PXT1: variants seen among roughly 807,000 people sequenced by gnomAD.
PXT1 encodes the protein peroxisomal testis enriched protein 1, also known as peroxisomal testis-specific protein 1.
A neutral mutation model predicts 11.0 loss-of-function variants in PXT1; 11 were observed. The observed-to-expected ratio is 1.00, with a 90% CI of 0.63 to 1.66. PXT1 has a LOEUF of 1.66. Ranked by LOEUF, PXT1 falls within the 40% of genes most tolerant of loss-of-function variation. The pLI is 0.00. For synonymous variants in PXT1, 43 were observed against 51.4 expected, an observed-to-expected ratio of 0.84 and a Z score of 0.70; for missense variants, 141 against 155.5, an observed-to-expected ratio of 0.91 and a Z score of 0.49.
intron 2 of PXT1, among the ~76,000 whole-genome samples, chr6:36,432,283 AG>A (rs1163211469): frequency 6.6e-6 from 1 of 152,156 alleles, no homozygotes; most frequent in East Asian, 1.9e-4. Flanking sequence ...CAAATGCAAA[AG>A]CCCAAAGGTA....
intron 3 of PXT1, among the ~76,000 whole-genome samples, chr6:36,403,449 T>C (rs1219122383): frequency 6.6e-6 from 1 of 152,186 alleles, no homozygotes; most frequent in African/African-American, 2.4e-5. Flanking sequence ...ACTCCCACTT[T>C]TCAGGCTTGG....
At chr6:36,395,578 C>G (rs1056675502) in intron 4 of PXT1, among the ~76,000 whole-genome samples, 1 of 143,950 alleles carries the variant, frequency 6.9e-6, no homozygotes, top group Non-Finnish European at 1.5e-5. Flanking sequence ...TCACAGCTCA[C>G]TGCAGCCTTG....
chr6:36,423,237 T>C (rs1582265673), intron 3 of PXT1, among the ~76,000 whole-genome samples: 1 of 152,248 alleles, frequency 6.6e-6, no homozygotes, highest in African/African-American at 2.4e-5. Context: ...CTCAATCTCC[T>C]GCTTCCTCAG....
At chr6:36,426,650 G>A (rs1376504169) in intron 2 of PXT1, among the ~76,000 whole-genome samples, 5 of 152,106 alleles carry the variant, frequency 3.3e-5, no homozygotes, top group Admixed American at 2.0e-4. Flanking sequence ...GATTACAGGC[G>A]TGAGCCACAG....
intron 3 of PXT1, among the ~76,000 whole-genome samples, chr6:36,400,835 T>C (rs1435331427): frequency 6.6e-6 from 1 of 152,078 alleles, no homozygotes; most frequent in African/African-American, 2.4e-5. Context: ...CTGGATGTGG[T>C]GACGGGTGCC....
At chr6:36,423,139 G>C in intron 3 of PXT1, among the ~76,000 whole-genome samples, 1 of 152,192 alleles carries the variant, frequency 6.6e-6, no homozygotes, top group East Asian at 1.9e-4. Flanking sequence ...TGGCTTCAGC[G>C]AGTCACATTC....
chr6:36,410,508 G>A (rs1200231367), intron 3 of PXT1, among the ~76,000 whole-genome samples: 1 of 150,308 alleles, frequency 6.7e-6, no homozygotes, highest in Non-Finnish European at 1.5e-5. Flanking sequence ...GAGGAAGGAA[G>A]AAAGAGAGAG....
At chr6:36,433,363 A>G (rs1391163466) in intron 2 of PXT1, among the ~76,000 whole-genome samples, 2 of 152,168 alleles carry the variant, frequency 1.3e-5, no homozygotes, top group East Asian at 3.8e-4. Flanking sequence ...TGTGAAAGAT[A>G]AAGACAAAAA....
intron 4 of PXT1, among the ~76,000 whole-genome samples, chr6:36,395,552 G>C (rs1774132006): frequency 1.5e-5 from 2 of 130,588 alleles, no homozygotes; most frequent in African/African-American, 3.0e-5. Flanking sequence ...ACCCAGGCTG[G>C]AGTGCAGTGG....
At chr6:36,395,416 AC>A (rs1357216733) in intron 4 of PXT1, among the ~76,000 whole-genome samples, 2 of 151,512 alleles carry the variant, frequency 1.3e-5, no homozygotes, top group African/African-American at 4.8e-5. Context: ...ACCATGCCAG[AC>A]TTGAAATTCT....
At chr6:36,395,833 CTACAAAAAAA>C (rs1358115268) in intron 4 of PXT1, among the ~76,000 whole-genome samples, 2 of 151,816 alleles carry the variant, frequency 1.3e-5, no homozygotes, top group Non-Finnish European at 2.9e-5. Flanking sequence ...AATCCTGTCT[CTACAAAAAAA>C]TACAAAAAAA....
chr6:36,398,833 T>A (rs1774176886), intron 4 of PXT1, among the ~76,000 whole-genome samples: 1 of 152,162 alleles, frequency 6.6e-6, no homozygotes, highest in Non-Finnish European at 1.5e-5. Context: ...TGACAGCCCA[T>A]TGGAAGTCAC....
intron 4 of PXT1, among the ~76,000 whole-genome samples, chr6:36,400,099 GT>G (rs1774193216): frequency 6.6e-6 from 1 of 152,198 alleles, no homozygotes; most frequent in African/African-American, 2.4e-5. Flanking sequence ...GTGTGAAACA[GT>G]TTGTTACACT....
intron 2 of PXT1, among the ~76,000 whole-genome samples, chr6:36,433,985 T>G (rs2127418533): frequency 6.6e-6 from 1 of 152,060 alleles, no homozygotes; most frequent in East Asian, 1.9e-4. Flanking sequence ...TAACAACTGT[T>G]TAATCTATTA....
intron 3 of PXT1, among the ~76,000 whole-genome samples, chr6:36,425,609 A>AC (rs922366545): frequency 6.6e-6 from 1 of 151,382 alleles, no homozygotes; most frequent in African/African-American, 2.4e-5. Context: ...ACATGGTGAA[A>AC]CCCCCTCTCT....
intron 2 of PXT1, among the ~76,000 whole-genome samples, chr6:36,432,808 G>C (rs1358840624): frequency 6.6e-6 from 1 of 152,060 alleles, no homozygotes; most frequent in African/African-American, 2.4e-5. Context: ...AGGAGTTACA[G>C]ATAGGGGGAC....
At chr6:36,418,561 T>C (rs1316816056) in intron 3 of PXT1, among the ~76,000 whole-genome samples, 3 of 152,200 alleles carry the variant, frequency 2.0e-5, no homozygotes, top group Non-Finnish European at 4.4e-5. Context: ...TAAAAAAAAT[T>C]AATGCAACAA....
intron 3 of PXT1, among the ~76,000 whole-genome samples, chr6:36,416,325 G>A (rs775447564): frequency 1.3e-5 from 2 of 151,954 alleles, no homozygotes; most frequent in Non-Finnish European, 2.9e-5. Context: ...CTCCTGCCTG[G>A]GCAACAGACA....
intron 3 of PXT1, among the ~76,000 whole-genome samples, chr6:36,425,104 C>A (rs1362749285): frequency 2.0e-5 from 3 of 152,142 alleles, no homozygotes; most frequent in Non-Finnish European, 4.4e-5. Context: ...TAACACTGTC[C>A]TTTAATGCTC....
Sources: gnomAD v4.1 joint callset for allele counts (sites outside exome capture counted in the v4.1 genomes callset) on GRCh38, gnomAD v4.1.1 for gene constraint, MANE v1.5 for transcripts, NCBI Gene and HGNC (gene_info 2026-07-23, HGNC 2026-07-21) for gene names.